Variants in PDE4B observed in about 807,000 individuals in gnomAD.
PDE4B encodes 3',5'-cyclic-AMP phosphodiesterase 4B.
In PDE4B, 20 loss-of-function variants were observed where a neutral mutation model predicts 82.2. The ratio of observed to expected loss-of-function variants is 0.24; its 90% CI spans 0.17 to 0.35. The LOEUF is 0.35. Among genes scored for constraint, PDE4B ranks in the 10% least tolerant of loss-of-function variants. PDE4B has a pLI of 1.00. For synonymous variants in PDE4B, 320 were observed against 318.9 expected, an observed-to-expected ratio of 1.00 and a Z score of -0.04; for missense variants, 655 against 907.2, an observed-to-expected ratio of 0.72 and a Z score of 3.57.
rs188488913 is a variant in PDE4B at position 65,802,500 on chromosome 1, C to T, written c.-71+9252C>T. Among the ~76,000 whole-genome samples, 3 of 152,178 alleles carry T rather than the reference C, an allele frequency of 2.0e-5. No homozygotes were observed. In the East Asian group the frequency reaches 5.8e-4, roughly 29 times the overall value. On this transcript the variant is annotated intron_variant, in intron 1 of 16. Coordinates refer to ENST00000341517, the MANE Select transcript of PDE4B (RefSeq NM_002600.4). Reference sequence around the variant, plus strand: ...ACCAGAACTATGTCAATGGCCATACCTAAGTACAAGGAATTATGAGAAATA... The same window carrying T: ...ACCAGAACTATGTCAATGGCCATACTTAAGTACAAGGAATTATGAGAAATA...
At chr1:65,877,830 G>A (rs1200501587) in intron 1 of PDE4B, among the ~76,000 whole-genome samples, 2 of 151,920 alleles carry the variant, frequency 1.3e-5, no homozygotes, top group Admixed American at 1.3e-4. Context: ...CAAGGGCAAA[G>A]ATTTCATGAC....
At chr1:65,886,198 T>C (rs1646774371) in intron 1 of PDE4B, among the ~76,000 whole-genome samples, 1 of 152,064 alleles carries the variant, frequency 6.6e-6, no homozygotes, top group Non-Finnish European at 1.5e-5. Flanking sequence ...GAAAATGCTT[T>C]GTAAACTAGA....
intron 3 of PDE4B, among the ~76,000 whole-genome samples, chr1:66,126,416 T>A (rs911283789): frequency 2.6e-5 from 4 of 152,208 alleles, no homozygotes; most frequent in Non-Finnish European, 5.9e-5. Flanking sequence ...TGTACCCCCC[T>A]ACACATTTTT....
At chr1:66,193,836 T>G (rs1648034065) in intron 3 of PDE4B, among the ~76,000 whole-genome samples, 1 of 152,114 alleles carries the variant, frequency 6.6e-6, no homozygotes, top group Admixed American at 6.6e-5. Context: ...TTTTAGAGAC[T>G]GAAATCATTA....
intron 3 of PDE4B, among the ~76,000 whole-genome samples, chr1:66,116,031 T>G (rs1274244421): frequency 6.6e-6 from 1 of 152,234 alleles, no homozygotes; most frequent in Non-Finnish European, 1.5e-5. Context: ...TCCTTAAGCA[T>G]GGTTTACAGA....
intron 3 of PDE4B, among the ~76,000 whole-genome samples, chr1:66,032,156 G>A (rs559116590): frequency 6.6e-6 from 1 of 152,308 alleles, no homozygotes; most frequent in South Asian, 2.1e-4. Context: ...AGAAAATAAT[G>A]CCCACCTCAT....
At chr1:66,020,332 T>C (rs969862325) in intron 3 of PDE4B, among the ~76,000 whole-genome samples, 3 of 152,126 alleles carry the variant, frequency 2.0e-5, no homozygotes, top group Non-Finnish European at 4.4e-5. Context: ...TTTTTTAATA[T>C]ACTTTAAGCT....
intron 3 of PDE4B, among the ~76,000 whole-genome samples, chr1:65,942,172 A>G (rs1648482197): frequency 6.6e-6 from 1 of 151,762 alleles, no homozygotes; most frequent in African/African-American, 2.4e-5. Context: ...CTTGCTTTTC[A>G]TTCTCCAGAC....
chr1:65,884,276 C>T (rs4071565), intron 1 of PDE4B, among the ~76,000 whole-genome samples: 25,299 of 152,072 alleles, frequency 0.17, 2,324 homozygotes, highest in South Asian at 0.28. Flanking sequence ...GGCTGTGAAT[C>T]CATCTGGTCT....
chr1:66,027,421 A>G (rs1354322030), intron 3 of PDE4B, among the ~76,000 whole-genome samples: 1 of 152,180 alleles, frequency 6.6e-6, no homozygotes, highest in Non-Finnish European at 1.5e-5. Flanking sequence ...CATACAATTC[A>G]AATTGAGATT....
At chr1:66,278,313 C>T (rs1365556087) in intron 7 of PDE4B, among the ~76,000 whole-genome samples, 1 of 152,176 alleles carries the variant, frequency 6.6e-6, no homozygotes, top group Admixed American at 6.5e-5. Flanking sequence ...AATGACTTTG[C>T]AGCTGCCCAG....
intron 3 of PDE4B, among the ~76,000 whole-genome samples, chr1:66,060,482 G>A (rs931676516): frequency 3.9e-5 from 6 of 152,118 alleles, no homozygotes; most frequent in African/African-American, 1.4e-4. Context: ...TTAGATTATG[G>A]TTGTCCAAAC....
At chr1:65,916,322 G>A (rs911130654) in intron 2 of PDE4B, among the ~76,000 whole-genome samples, 21 of 152,194 alleles carry the variant, frequency 1.4e-4, no homozygotes, top group African/African-American at 4.8e-4. Flanking sequence ...TGATAGGTGT[G>A]ACTTTTTTAT....
chr1:65,973,381 G>A (rs560623346), intron 3 of PDE4B, among the ~76,000 whole-genome samples: 4 of 152,134 alleles, frequency 2.6e-5, no homozygotes, highest in Admixed American at 6.5e-5. Flanking sequence ...CATTTTGGTT[G>A]GAGAAAGATG....
At chr1:65,985,371 T>C (rs1398245791) in intron 3 of PDE4B, among the ~76,000 whole-genome samples, 2 of 152,300 alleles carry the variant, frequency 1.3e-5, no homozygotes, top group South Asian at 2.1e-4. Context: ...ACTGGACTTA[T>C]ATAGGCAATT....
chr1:66,366,602 AAT>A (rs1362028588), intron 13 of PDE4B, among the ~76,000 whole-genome samples: 1 of 152,172 alleles, frequency 6.6e-6, no homozygotes, highest in African/African-American at 2.4e-5. Context: ...AGAATATCTG[AAT>A]GACCTAGGTT....
intron 3 of PDE4B, among the ~76,000 whole-genome samples, chr1:66,018,162 AAT>A (rs1652885220): frequency 1.3e-5 from 2 of 152,174 alleles, no homozygotes; most frequent in African/African-American, 4.8e-5. Flanking sequence ...TCACACCTGT[AAT>A]CCCAGCACTT....
chr1:66,270,263 G>T (rs1018936915), intron 7 of PDE4B, among the ~76,000 whole-genome samples: 2 of 152,218 alleles, frequency 1.3e-5, no homozygotes, highest in Non-Finnish European at 2.9e-5. Context: ...ATGTGTCTAG[G>T]CCATTCTGGG....
In PDE4B at chr1:66,114,707, C is replaced by T. The variant is rs1331259282; in HGVS notation, c.282-132753C>T. Reference sequence around the variant, plus strand: ...CTGGAGTGCAATGGCACAATCTCGGCTCACTGCAACCTCTGCTTCCTGGGT... The same window carrying T: ...CTGGAGTGCAATGGCACAATCTCGGTTCACTGCAACCTCTGCTTCCTGGGT... On this transcript the variant is annotated intron_variant, in intron 3 of 16. Coordinates refer to ENST00000341517, the MANE Select transcript of PDE4B (RefSeq NM_002600.4). 2.0e-5 allele frequency among the ~76,000 whole-genome samples: 3 copies of T among 149,914 alleles called. No individual in the cohort carries two copies. The East Asian group carries it at 5.9e-4, about 29-fold the overall frequency.
Sources: gnomAD v4.1 joint callset for allele counts (sites outside exome capture counted in the v4.1 genomes callset) on GRCh38, gnomAD v4.1.1 for gene constraint, MANE v1.5 for transcripts, NCBI Gene and HGNC (gene_info 2026-07-23, HGNC 2026-07-21) for gene names.